SORCS3: variants seen among roughly 807,000 people sequenced by gnomAD.
SORCS3 encodes the protein sortilin related VPS10 domain containing receptor 3, also known as VPS10 domain-containing receptor SorCS3.
Under a neutral mutation model 146.3 loss-of-function variants are expected in SORCS3, and 57 were observed. The observed-to-expected ratio is 0.39, with a 90% CI of 0.31 to 0.49. The LOEUF is 0.49. Ranked by LOEUF, SORCS3 falls within the 20% of genes least tolerant of loss-of-function variation. The pLI is 0.92. For synonymous variants in SORCS3, 653 were observed against 618.5 expected (o/e 1.06, Z -0.83); for missense variants, 1,341 against 1,575.5 (o/e 0.85, Z 2.52).
intron 20 of SORCS3, among the ~76,000 whole-genome samples, chr10:105,241,058 A>G (rs1459667501): frequency 3.9e-5 from 6 of 152,050 alleles, no homozygotes; most frequent in South Asian, 2.1e-4. Context: ...GCTGCTATGA[A>G]TAAGCCACTA....
chr10:104,791,925 C>T (rs1402543880), intron 1 of SORCS3, among the ~76,000 whole-genome samples: 1 of 152,114 alleles, frequency 6.6e-6, no homozygotes, highest in African/African-American at 2.4e-5. Context: ...TTCTCTGCAA[C>T]TCTGGGAAAT....
intron 1 of SORCS3, among the ~76,000 whole-genome samples, chr10:104,682,306 T>TG (rs1280629958): frequency 2.0e-5 from 3 of 152,238 alleles, no homozygotes; most frequent in African/African-American, 7.2e-5. Context: ...AATGAATGAA[T>TG]ATGAGGCCAG....
chr10:104,738,218 T>C (rs965030038), intron 1 of SORCS3, among the ~76,000 whole-genome samples: 1 of 152,236 alleles, frequency 6.6e-6, no homozygotes, highest in Admixed American at 6.5e-5. Flanking sequence ...TTTGTTCTTT[T>C]GGCTTAGGAT....
intron 9 of SORCS3, among the ~76,000 whole-genome samples, chr10:105,155,051 C>T (rs2056196778): frequency 6.6e-6 from 1 of 152,226 alleles, no homozygotes; most frequent in Non-Finnish European, 1.5e-5. Context: ...AGCATCCTCA[C>T]AGCTGCAAGT....
intron 4 of SORCS3, among the ~76,000 whole-genome samples, chr10:104,988,854 C>T (rs750352368): frequency 2.6e-5 from 4 of 152,218 alleles, no homozygotes; most frequent in Admixed American, 6.5e-5. Context: ...ATCAGACCCC[C>T]GTGTTAATTC....
chr10:105,036,123 A>G (rs115966045), intron 4 of SORCS3, among the ~76,000 whole-genome samples: 1,947 of 152,290 alleles, frequency 0.013, 26 homozygotes, highest in African/African-American at 0.034. Context: ...TTGTAGGAAG[A>G]TGAGATCATG....
intron 2 of SORCS3, among the ~76,000 whole-genome samples, chr10:104,895,401 G>A (rs1290764505): frequency 6.6e-6 from 1 of 152,132 alleles, no homozygotes; most frequent in East Asian, 1.9e-4. Context: ...AGCATGTTGG[G>A]CAGCAGAGAC....
chr10:104,828,576 G>C (rs1354147417), intron 1 of SORCS3, among the ~76,000 whole-genome samples: 1 of 152,062 alleles, frequency 6.6e-6, no homozygotes, highest in Admixed American at 6.6e-5. Context: ...AAAATGTGAC[G>C]CAGGGACACA....
chr10:105,245,777 T>C lies in SORCS3; in HGVS notation c.2992+112T>C. 5.2e-6 allele frequency: 7 copies of C among 1,335,226 alleles called. No individual in the cohort carries two copies. The South Asian group carries it at 1.0e-4, about 20-fold the overall frequency. The allele number at this position is 1,335,226 out of a possible 1,614,324, so 82.7% of individuals were successfully genotyped here. A position where few individuals can be genotyped will look rare whatever the true frequency, so the allele number is the denominator to read the frequency against. ...GAAATTCCTCAGGCCCTGGGAAAAT[T>C]ACATAGGTCAACAGGAAGCTTCCAA... On this transcript the variant is annotated intron_variant, in intron 21 of 26. Transcript: ENST00000369701.
chr10:104,894,428 A>G (rs1195975512), intron 2 of SORCS3, among the ~76,000 whole-genome samples: 2 of 152,218 alleles, frequency 1.3e-5, no homozygotes, highest in Non-Finnish European at 2.9e-5. Context: ...TTGAATCATG[A>G]AGGCTCTTGA....
chr10:105,214,821 C>T (rs553027481), intron 18 of SORCS3, among the ~76,000 whole-genome samples: 46 of 152,304 alleles, frequency 3.0e-4, no homozygotes, highest in Admixed American at 1.7e-3. Context: ...AGACCCAGTC[C>T]GCAGTGGGAG....
Position 105,211,329 on chromosome 10 carries a change from T to C in SORCS3, c.2375+79T>C, listed in dbSNP as rs185763421. On this transcript the variant is annotated intron_variant, in intron 17 of 26. Transcript: ENST00000369701. Reference sequence around the variant, plus strand: ...TAGGACCAAAGGAAATGCATTGCTATTGAATACAATGGAGTGAAGATGGAG... The same window carrying C: ...TAGGACCAAAGGAAATGCATTGCTACTGAATACAATGGAGTGAAGATGGAG... The C allele has an allele frequency of 8.5e-5, 80 of 937,958 alleles. 1 individual carries two copies. In the African/African-American group the frequency reaches 1.2e-3, roughly 14 times the overall value. The allele number at this position is 937,958 out of a possible 1,614,324, so 58.1% of individuals were successfully genotyped here.
At chr10:104,836,718 G>A (rs1387539537) in intron 1 of SORCS3, among the ~76,000 whole-genome samples, 1 of 151,962 alleles carries the variant, frequency 6.6e-6, no homozygotes, top group Non-Finnish European at 1.5e-5. Flanking sequence ...CTTGTCCTTT[G>A]TGCCTTGTTT....
intron 16 of SORCS3, among the ~76,000 whole-genome samples, chr10:105,204,361 G>T (rs1028885614): frequency 6.6e-6 from 1 of 151,834 alleles, no homozygotes; most frequent in African/African-American, 2.4e-5. Context: ...TTTTGCTTCA[G>T]AAAAAAATAA....
chr10:104,858,270 C>T (rs78109969), intron 2 of SORCS3, among the ~76,000 whole-genome samples: 5,850 of 152,198 alleles, frequency 0.038, 146 homozygotes, highest in East Asian at 0.12. Context: ...AATACATATA[C>T]GTATTTTTAC....
chr10:104,816,879 TC>T (rs1263761449), intron 1 of SORCS3, among the ~76,000 whole-genome samples: 2 of 152,218 alleles, frequency 1.3e-5, no homozygotes, highest in Non-Finnish European at 2.9e-5. Flanking sequence ...TTCTACTTGT[TC>T]CATCCTTCTC....
At chr10:104,803,425 G>C (rs2017646822) in intron 1 of SORCS3, among the ~76,000 whole-genome samples, 1 of 152,168 alleles carries the variant, frequency 6.6e-6, no homozygotes, top group Admixed American at 6.5e-5. Context: ...GCCTGTAGGG[G>C]AATGGAGAGG....
intron 1 of SORCS3, among the ~76,000 whole-genome samples, chr10:104,667,674 CA>C (rs904390929): frequency 1.3e-5 from 2 of 152,216 alleles, no homozygotes; most frequent in African/African-American, 2.4e-5. Flanking sequence ...TAAAAGGGAA[CA>C]AAACCCCAGA....
intron 7 of SORCS3, among the ~76,000 whole-genome samples, chr10:105,130,309 G>T (rs139015248): frequency 6.6e-6 from 1 of 152,212 alleles, no homozygotes; most frequent in South Asian, 2.1e-4. Context: ...AACTGATTGA[G>T]TCCAGACCCT....
Sources: gnomAD v4.1 joint callset for allele counts (sites outside exome capture counted in the v4.1 genomes callset) on GRCh38, gnomAD v4.1.1 for gene constraint, MANE v1.5 for transcripts, NCBI Gene and HGNC (gene_info 2026-07-23, HGNC 2026-07-21) for gene names.